TAFA4: variants seen among roughly 807,000 people sequenced by gnomAD.
TAFA4 encodes the protein TAFA chemokine like family member 4.
TAFA4 carries 20 observed loss-of-function variants against 21.1 expected under a neutral mutation model. The observed-to-expected ratio is 0.95, with a 90% CI of 0.67 to 1.38. The LOEUF (loss-of-function observed/expected upper bound fraction) is 1.38. Ranked by LOEUF, TAFA4 falls within the 40% of genes most tolerant of loss-of-function variation. The pLI, the probability that TAFA4 is intolerant of heterozygous loss-of-function variation, is 0.00. For missense variants in TAFA4, 211 were observed against 180.9 expected (o/e 1.17, Z -0.95); for synonymous variants, 71 against 67.4 (o/e 1.05, Z -0.26).
Position 68,908,117 on chromosome 3 carries a change from T to C in TAFA4, c.-122-22807A>G, listed in dbSNP as rs17048148. Among the ~76,000 whole-genome samples, 1,062 of 152,290 alleles carry C rather than the reference T, an allele frequency of 7.0e-3. 34 individuals are homozygous for C. The highest frequency in any genetic ancestry group is 0.048 in the Admixed American group (730 of 15,302). Reference sequence around the variant, plus strand: ...CATATAACTGACTCCAATGCAAAAATATTTTAAAATGTAGGCTGGACGTAA... The same window carrying C: ...CATATAACTGACTCCAATGCAAAAACATTTTAAAATGTAGGCTGGACGTAA... On this transcript the variant is annotated intron_variant, in intron 1 of 5. Transcript: ENST00000295569.
At chr3:68,885,032 A>G in intron 2 of TAFA4, 143 bp downstream of exon 2, 1 of 736,902 alleles carries the variant, frequency 1.4e-6, no homozygotes. Flanking sequence ...GCTAAAATGA[A>G]AAAATCAACA....
rs544039090 is a variant in TAFA4 at position 68,814,118 on chromosome 3, C to G, written c.131-61100G>C. Among the ~76,000 whole-genome samples, 19 of 152,218 alleles carry G rather than the reference C, an allele frequency of 1.2e-4. No individual in the cohort carries two copies. The South Asian group carries it at 2.1e-3, about 17-fold the overall frequency. On this transcript the variant is annotated intron_variant, in intron 3 of 5. Transcript: ENST00000295569. ...AAGGCCTTTGACAAAATTCAACAACCCTTCACGCTAAAAACTCTCAATAAA... is the reference window on the plus strand; with the variant it reads ...AAGGCCTTTGACAAAATTCAACAACGCTTCACGCTAAAAACTCTCAATAAA...
chr3:68,783,029 T>C (rs1703179894), intron 3 of TAFA4, among the ~76,000 whole-genome samples: 1 of 152,212 alleles, frequency 6.6e-6, no homozygotes, highest in Non-Finnish European at 1.5e-5. Context: ...AACTCACCAA[T>C]ATGACCATGT....
chr3:68,741,464 T>C (rs1041889367), intron 4 of TAFA4, among the ~76,000 whole-genome samples: 4 of 152,168 alleles, frequency 2.6e-5, no homozygotes, highest in Non-Finnish European at 5.9e-5. Flanking sequence ...GATTTTGTAT[T>C]CTGCAGCTTT....
chr3:68,815,111 A>G (rs1470348972), intron 3 of TAFA4, among the ~76,000 whole-genome samples: 7 of 152,268 alleles, frequency 4.6e-5, no homozygotes, highest in Admixed American at 6.5e-5. Context: ...GGCTAGCCAT[A>G]TGTAGAAAGC....
chr3:68,801,000 T>C (rs1703566873), intron 3 of TAFA4, among the ~76,000 whole-genome samples: 3 of 152,160 alleles, frequency 2.0e-5, no homozygotes, highest in Admixed American at 6.5e-5. Context: ...CAAAGCTAGT[T>C]AGGCTTTCAA....
intron 3 of TAFA4, among the ~76,000 whole-genome samples, chr3:68,815,390 G>C (rs1051855881): frequency 6.6e-6 from 1 of 152,018 alleles, no homozygotes; most frequent in African/African-American, 2.4e-5. Flanking sequence ...TACAGAATGG[G>C]AGAAAATTTT....
At chr3:68,857,585 T>C (rs1705098232) in intron 3 of TAFA4, among the ~76,000 whole-genome samples, 1 of 152,102 alleles carries the variant, frequency 6.6e-6, no homozygotes, top group Non-Finnish European at 1.5e-5. Flanking sequence ...TAAAGATACA[T>C]GTATAAATAC....
At chr3:68,823,472 C>T (rs1704157656) in intron 3 of TAFA4, among the ~76,000 whole-genome samples, 1 of 152,064 alleles carries the variant, frequency 6.6e-6, no homozygotes, top group African/African-American at 2.4e-5. Flanking sequence ...TTCTGGGGTA[C>T]ATGTGCAGGA....
At chr3:68,776,852 C>G (rs1436080043) in intron 3 of TAFA4, among the ~76,000 whole-genome samples, 3 of 151,998 alleles carry the variant, frequency 2.0e-5, no homozygotes, top group African/African-American at 7.2e-5. Flanking sequence ...ATAAGAAAAT[C>G]AGAAAAACCA....
At chr3:68,765,167 A>G (rs1194751325) in intron 3 of TAFA4, among the ~76,000 whole-genome samples, 2 of 152,194 alleles carry the variant, frequency 1.3e-5, no homozygotes, top group Non-Finnish European at 2.9e-5. Context: ...CAATATGTGC[A>G]TTTGTGATTT....
intron 3 of TAFA4, among the ~76,000 whole-genome samples, chr3:68,789,326 T>C (rs2106810218): frequency 6.6e-6 from 1 of 152,328 alleles, no homozygotes; most frequent in South Asian, 2.1e-4. Flanking sequence ...TTCTGGGCTT[T>C]CTAGTCTGCT....
chr3:68,875,457 T>C (rs1048001978), intron 3 of TAFA4, among the ~76,000 whole-genome samples: 4 of 152,140 alleles, frequency 2.6e-5, no homozygotes, highest in African/African-American at 4.8e-5. Context: ...TACCAAAACA[T>C]AGGACCTTTA....
chr3:68,804,301 G>T lies in TAFA4; in HGVS notation c.131-51283C>A, dbSNP rs549438388. On this transcript the variant is annotated intron_variant, in intron 3 of 5. Coordinates refer to ENST00000295569, the MANE Select transcript of TAFA4 (RefSeq NM_182522.5). ...ACCACTGCTCAATGAAATAAAAGAG[G>T]ATACAAACAAATGGAAGAACATTCC... 1.1e-4 allele frequency among the ~76,000 whole-genome samples: 17 copies of T among 152,092 alleles called. No individual in the cohort carries two copies. The East Asian group carries it at 2.7e-3, about 24-fold the overall frequency.
intron 1 of TAFA4, among the ~76,000 whole-genome samples, chr3:68,920,639 ATTTTT>A (rs367598663): frequency 1.5e-5 from 2 of 130,236 alleles, no homozygotes; most frequent in African/African-American, 6.0e-5. Context: ...TTTTTCTCTA[ATTTTT>A]TTTTTTTTTT....
At chr3:68,763,869 TACACACACAC>T (rs147436920) in intron 3 of TAFA4, among the ~76,000 whole-genome samples, 4 of 147,350 alleles carry the variant, frequency 2.7e-5, no homozygotes, top group Admixed American at 6.8e-5. Flanking sequence ...TATGACAGAC[TACACACACAC>T]ACACACACAC....
At chr3:68,745,783 C>A (rs994173948) in intron 4 of TAFA4, among the ~76,000 whole-genome samples, 3 of 152,106 alleles carry the variant, frequency 2.0e-5, no homozygotes, top group Admixed American at 6.5e-5. Flanking sequence ...ATTATAATAA[C>A]CAAGGACATG....
intron 1 of TAFA4, among the ~76,000 whole-genome samples, chr3:68,885,817 C>T (rs572335210): frequency 2.6e-5 from 4 of 152,076 alleles, no homozygotes; most frequent in Admixed American, 1.3e-4. Context: ...AATAGGACAC[C>T]AAGAGAAAAA....
rs549161667 is a variant in TAFA4, at chr3:68,771,372, AC to A, written c.131-18355del. ...GGGCTTCGGGAATCGCAGACATGAC[AC>A]CCCTAGACACTGCCATGGGACTGGA... On this transcript the variant is annotated intron_variant, in intron 3 of 5. Coordinates refer to ENST00000295569, the MANE Select transcript of TAFA4 (RefSeq NM_182522.5). 1.6e-3 allele frequency among the ~76,000 whole-genome samples: 243 copies of A among 152,228 alleles called. 1 individual carries two copies. The highest frequency in any genetic ancestry group is 5.6e-3 in the African/African-American group (233 of 41,538).
Sources: gnomAD v4.1 joint callset for allele counts (sites outside exome capture counted in the v4.1 genomes callset) on GRCh38, gnomAD v4.1.1 for gene constraint, MANE v1.5 for transcripts, NCBI Gene and HGNC (gene_info 2026-07-23, HGNC 2026-07-21) for gene names.